The following SAMD12 variants were observed in gnomAD, a reference collection of about 807,000 sequenced individuals.
SAMD12 encodes the protein sterile alpha motif domain-containing protein 12.
SAMD12 carries 9 observed loss-of-function variants against 15.0 expected under a neutral mutation model. That is an observed-to-expected ratio of 0.60 (90% CI 0.36 to 1.05). The LOEUF (loss-of-function observed/expected upper bound fraction) is 1.05, where lower values mean the gene tolerates loss of function less well. SAMD12 is among the 50% of genes least tolerant of loss of function. SAMD12 has a pLI of 0.01. For synonymous variants in SAMD12, 86 were observed against 90.1 expected, an observed-to-expected ratio of 0.96 and a Z score of 0.25; for missense variants, 230 against 234.2, an observed-to-expected ratio of 0.98 and a Z score of 0.12.
chr8:118,338,240 A>G (rs1817179636), intron 4 of SAMD12, among the ~76,000 whole-genome samples: 1 of 152,250 alleles, frequency 6.6e-6, no homozygotes, highest in African/African-American at 2.4e-5. Context: ...AAGATTAGCA[A>G]GTAATGTTTT....
rs190091558 is a variant in SAMD12 at position 118,431,672 on chromosome 8, A to G, written c.322+8160T>C. Among the ~76,000 whole-genome samples the G allele has an allele frequency of 4.7e-5, 7 of 147,646 alleles. 1 individual carries two copies. In the South Asian group the frequency reaches 1.5e-3, roughly 32 times the overall value. On this transcript the variant is annotated intron_variant, in intron 3 of 3. Coordinates refer to ENST00000314727, the MANE Select transcript of SAMD12 (RefSeq NM_207506.3). ...TGTTTTTAAAATCTGACTCCTTTCA[A>G]AATTTTACCTTTGTCGTGTGTGTGT...
intron 3 of SAMD12, among the ~76,000 whole-genome samples, chr8:118,427,407 A>C (rs1822265162): frequency 1.3e-5 from 2 of 152,246 alleles, no homozygotes; most frequent in Non-Finnish European, 2.9e-5. Flanking sequence ...GATGTTTGAC[A>C]AAGATACAAA....
rs145279343 is a variant in SAMD12, at chr8:118,238,657, T to A, written c.434-40925A>T. On this transcript the variant is annotated intron_variant, in intron 4 of 4. Coordinates refer to the SAMD12 transcript ENST00000409003. ...CATTCTATAAATATTTTTGAACATC[T>A]ACCATGGAAAGGACACATGCAAGAG... 3.3e-3 allele frequency among the ~76,000 whole-genome samples: 509 copies of A among 152,268 alleles called. 2 individuals carry two copies. The highest frequency in any genetic ancestry group is 0.011 in the African/African-American group (452 of 41,560).
intron 4 of SAMD12, among the ~76,000 whole-genome samples, chr8:118,294,714 C>T (rs1330159084): frequency 6.6e-6 from 1 of 152,158 alleles, no homozygotes; most frequent in Admixed American, 6.5e-5. Flanking sequence ...TATCTCACAT[C>T]TACTGTCAAT....
At chr8:118,251,735 G>C (rs1299267928) in intron 4 of SAMD12, among the ~76,000 whole-genome samples, 4 of 151,888 alleles carry the variant, frequency 2.6e-5, no homozygotes, top group Admixed American at 2.6e-4. Flanking sequence ...GCTATATTCC[G>C]TACCTAATAC....
chr8:118,435,516 A>AAGAGC (rs1822554863), intron 3 of SAMD12, among the ~76,000 whole-genome samples: 1 of 152,154 alleles, frequency 6.6e-6, no homozygotes, highest in African/African-American at 2.4e-5. Context: ...TCTGCCACCA[A>AAGAGC]AGAGCAGGTA....
intron 3 of SAMD12, among the ~76,000 whole-genome samples, chr8:118,416,321 T>A (rs1223334510): frequency 6.6e-6 from 1 of 152,222 alleles, no homozygotes; most frequent in Non-Finnish European, 1.5e-5. Context: ...ATAAGTTAAT[T>A]GGACCTGGGA....
chr8:118,561,103 T>C (rs1015428565), intron 2 of SAMD12, among the ~76,000 whole-genome samples: 2 of 152,202 alleles, frequency 1.3e-5, no homozygotes, highest in African/African-American at 4.8e-5. Flanking sequence ...CCAAACTATG[T>C]AAGCTTTAAA....
chr8:118,445,230 CAAA>C (rs1822877891), intron 2 of SAMD12, among the ~76,000 whole-genome samples: 2 of 152,000 alleles, frequency 1.3e-5, no homozygotes, highest in Admixed American at 1.3e-4. Context: ...CTCATTCACC[CAAA>C]AAAGGTCACT....
chr8:118,229,355 G>A (rs573114102), intron 4 of SAMD12, among the ~76,000 whole-genome samples: 2 of 151,938 alleles, frequency 1.3e-5, no homozygotes, highest in South Asian at 2.1e-4. Context: ...GCCCTTGCAA[G>A]ATAAACAGCA....
At chr8:118,176,125 C>A in the SAMD12 span, among the ~76,000 whole-genome samples, 1 of 152,054 alleles carries the variant, frequency 6.6e-6, no homozygotes, top group Non-Finnish European at 1.5e-5. Context: ...CACGGTGAAA[C>A]CCCATCTCTA....
chr8:118,615,785 G>A (rs1344781923), intron 1 of SAMD12, among the ~76,000 whole-genome samples: 1 of 152,206 alleles, frequency 6.6e-6, no homozygotes, highest in East Asian at 1.9e-4. Flanking sequence ...CAGCAAGGCA[G>A]ATGAGAAAGA....
intron 2 of SAMD12, among the ~76,000 whole-genome samples, chr8:118,493,392 G>A (rs1408205634): frequency 4.6e-5 from 7 of 152,042 alleles, no homozygotes; most frequent in Admixed American, 4.6e-4. Flanking sequence ...TTTTGCTTCT[G>A]CTCATTTCTC....
At chr8:118,340,196 C>T (rs1817281974) in intron 4 of SAMD12, among the ~76,000 whole-genome samples, 1 of 152,126 alleles carries the variant, frequency 6.6e-6, no homozygotes, top group African/African-American at 2.4e-5. Flanking sequence ...CACAAATATA[C>T]ACCCAAAAGA....
At chr8:118,171,245 C>T in the SAMD12 span, among the ~76,000 whole-genome samples, 1 of 152,144 alleles carries the variant, frequency 6.6e-6, no homozygotes, top group Admixed American at 6.5e-5. Flanking sequence ...ATGGTTCAGC[C>T]ACTTTGGAAA....
intron 2 of SAMD12, among the ~76,000 whole-genome samples, chr8:118,446,138 T>C (rs1822904023): frequency 6.6e-6 from 1 of 152,064 alleles, no homozygotes; most frequent in Non-Finnish European, 1.5e-5. Context: ...TAAAAACTTT[T>C]AAGAGTGCGA....
At chr8:118,322,760 G>T (rs565313517) in intron 4 of SAMD12, among the ~76,000 whole-genome samples, 1 of 152,280 alleles carries the variant, frequency 6.6e-6, no homozygotes, top group South Asian at 2.1e-4. Context: ...CTAGCATTCA[G>T]GAGCCCCACT....
At chr8:118,392,014 G>T (rs1325434758) in intron 3 of SAMD12, among the ~76,000 whole-genome samples, 1 of 152,038 alleles carries the variant, frequency 6.6e-6, no homozygotes, top group Non-Finnish European at 1.5e-5. Context: ...TAGCTACGTG[G>T]TCATTGTTGT....
intron 4 of SAMD12, among the ~76,000 whole-genome samples, chr8:118,210,080 C>T (rs553454878): frequency 6.6e-6 from 1 of 152,290 alleles, no homozygotes; most frequent in South Asian, 2.1e-4. Flanking sequence ...TTTATTCTGT[C>T]AGGGTCCAGG....
Sources: allele counts gnomAD v4.1 joint callset (sites outside exome capture counted in the v4.1 genomes callset), GRCh38; gene constraint gnomAD v4.1.1; transcripts MANE v1.5; gene names NCBI Gene and HGNC (gene_info 2026-07-23, HGNC 2026-07-21).